Variants in ROR1 observed in about 807,000 individuals in gnomAD.
ROR1 encodes ROR family WNT receptor 1.
A neutral mutation model predicts 78.8 loss-of-function variants in ROR1; 19 were observed. The observed-to-expected ratio is 0.24, with a 90% CI of 0.17 to 0.35. The LOEUF (loss-of-function observed/expected upper bound fraction) is 0.35. Ranked by LOEUF, ROR1 falls within the 10% of genes least tolerant of loss-of-function variation. The pLI, the probability that ROR1 is intolerant of heterozygous loss-of-function variation, is 1.00. For missense variants in ROR1, 917 were observed against 1,177.8 expected (o/e 0.78, Z 3.24); for synonymous variants, 386 against 433.6 (o/e 0.89, Z 1.36).
chr1:63,774,989 G>T lies in ROR1; in HGVS notation c.91+481G>T, dbSNP rs964364462. Among the ~76,000 whole-genome samples, 1 of 152,026 alleles carries T rather than the reference G, an allele frequency of 6.6e-6. No individual in the cohort carries two copies. The highest frequency in any genetic ancestry group is 1.5e-5 in the Non-Finnish European group (1 of 67,992). Reference sequence around the variant, plus strand: ...CCAGAGCCCAGGCGGCTCGCGGATCGACGCAAACAAAAGCCCTGTCCTCCT... The same window carrying T: ...CCAGAGCCCAGGCGGCTCGCGGATCTACGCAAACAAAAGCCCTGTCCTCCT... On this transcript the variant is annotated intron_variant, in intron 1 of 8. Coordinates refer to ENST00000371079, the MANE Select transcript of ROR1 (RefSeq NM_005012.4). The surrounding 1 kb of genome is among the most constrained non-coding windows in gnomAD (Gnocchi z 5.7).
intron 1 of ROR1, among the ~76,000 whole-genome samples, chr1:63,883,218 TTTCA>T (rs1299181953): frequency 6.6e-6 from 1 of 151,996 alleles, no homozygotes; most frequent in East Asian, 1.9e-4. Context: ...CTGAGATTTT[TTTCA>T]TTCTAGAGGA....
intron 4 of ROR1, among the ~76,000 whole-genome samples, chr1:64,090,461 C>T (rs1048269302): frequency 3.3e-5 from 5 of 152,276 alleles, no homozygotes; most frequent in South Asian, 4.1e-4. Context: ...CTGCTTAGTA[C>T]GTAAGCACCT....
In ROR1 at chr1:63,795,996, T is replaced by C. The variant is rs141502262; in HGVS notation, c.91+21488T>C. Among the ~76,000 whole-genome samples the C allele has an allele frequency of 4.5e-3, 680 of 152,342 alleles. 8 individuals are homozygous for C. Among genetic ancestry groups the C allele is most frequent in the African/African-American group, 0.015 (641 of 41,568 alleles). ...CATTAAAACCCCCATCAGACTAATCTGTCGACACATAGTATTTTGAGTATC... is the reference window on the plus strand; with the variant it reads ...CATTAAAACCCCCATCAGACTAATCCGTCGACACATAGTATTTTGAGTATC... On this transcript the variant is annotated intron_variant, in intron 1 of 8. Transcript: ENST00000371079.
chr1:63,841,934 G>A (rs1645052086), intron 1 of ROR1, among the ~76,000 whole-genome samples: 1 of 152,050 alleles, frequency 6.6e-6, no homozygotes, highest in Non-Finnish European at 1.5e-5. Context: ...CTTCCACATG[G>A]ATGTCTCATA....
intron 8 of ROR1, among the ~76,000 whole-genome samples, chr1:64,171,048 C>T (rs1306537013): frequency 6.6e-6 from 1 of 152,216 alleles, no homozygotes; most frequent in South Asian, 2.1e-4. Context: ...ACTGTTCCAA[C>T]CTCTGCCTGT....
At chr1:63,993,352 G>T (rs187408054) in intron 1 of ROR1, among the ~76,000 whole-genome samples, 1 of 152,116 alleles carries the variant, frequency 6.6e-6, no homozygotes, top group African/African-American at 2.4e-5. Flanking sequence ...CTCCCATTTT[G>T]CACATGGTAT....
intron 1 of ROR1, among the ~76,000 whole-genome samples, chr1:63,907,859 G>A (rs1226857852): frequency 6.6e-6 from 1 of 152,034 alleles, no homozygotes; most frequent in Non-Finnish European, 1.5e-5. Flanking sequence ...TTAGGTCTTG[G>A]GCAGTTCTTT....
intron 1 of ROR1, among the ~76,000 whole-genome samples, chr1:63,940,664 G>C (rs1645831593): frequency 6.6e-6 from 1 of 152,168 alleles, no homozygotes; most frequent in African/African-American, 2.4e-5. Flanking sequence ...CCCTAGAATT[G>C]TTGGGCAAAA....
In ROR1 at chr1:63,887,041, C is replaced by T. The variant is rs568551318; in HGVS notation, c.91+112533C>T. On this transcript the variant is annotated intron_variant, in intron 1 of 8. Transcript: ENST00000371079. Reference sequence around the variant, plus strand: ...TTGTTCAAGGTGCAGGATTGACAGCCCAGGAGACCTTGTGTCTCCACCTGG... The same window carrying T: ...TTGTTCAAGGTGCAGGATTGACAGCTCAGGAGACCTTGTGTCTCCACCTGG... 1.8e-4 allele frequency among the ~76,000 whole-genome samples: 28 copies of T among 152,344 alleles called. No individual in the cohort carries two copies. In the South Asian group the frequency reaches 5.6e-3, roughly 30 times the overall value.
intron 1 of ROR1, among the ~76,000 whole-genome samples, chr1:63,827,794 A>G (rs1278438568): frequency 1.3e-5 from 2 of 152,204 alleles, no homozygotes; most frequent in African/African-American, 4.8e-5. Flanking sequence ...ACTGGTTTCC[A>G]ATTGCTTGTG....
intron 1 of ROR1, among the ~76,000 whole-genome samples, chr1:63,800,905 C>G (rs1269147728): frequency 6.6e-6 from 1 of 151,444 alleles, no homozygotes; most frequent in African/African-American, 2.4e-5. Flanking sequence ...TATTAATTAA[C>G]CTTTTTAATC....
chr1:63,942,760 C>G (rs1645851355), intron 1 of ROR1, among the ~76,000 whole-genome samples: 1 of 152,138 alleles, frequency 6.6e-6, no homozygotes, highest in Non-Finnish European at 1.5e-5. Flanking sequence ...TCCTACTCTT[C>G]CCCACCGCTG....
chr1:63,976,087 G>A (rs1269145299), intron 1 of ROR1, among the ~76,000 whole-genome samples: 1 of 152,186 alleles, frequency 6.6e-6, no homozygotes, highest in Non-Finnish European at 1.5e-5. Context: ...AGAGAGCCAA[G>A]ACATGCATTT....
intron 1 of ROR1, among the ~76,000 whole-genome samples, chr1:63,943,566 C>A (rs193167820): frequency 5.5e-4 from 84 of 152,310 alleles, no homozygotes; most frequent in Admixed American, 2.2e-3. Context: ...AAAAGCTCAT[C>A]TGGTAACTGC....
intron 1 of ROR1, among the ~76,000 whole-genome samples, chr1:63,876,283 T>C (rs1053936130): frequency 6.6e-6 from 1 of 152,220 alleles, no homozygotes; most frequent in African/African-American, 2.4e-5. Flanking sequence ...CACTGGTCTA[T>C]TGATTCATAA....
intron 3 of ROR1, 117 bp downstream of exon 3, chr1:64,050,095 C>G: frequency 8.5e-7 from 1 of 1,171,954 alleles, no homozygotes; most frequent in Admixed American, 2.3e-5. Context: ...TACTCTGTGC[C>G]CACAACCCTA....
chr1:63,961,363 A>G (rs1646026148), intron 1 of ROR1, among the ~76,000 whole-genome samples: 1 of 152,254 alleles, frequency 6.6e-6, no homozygotes, highest in Admixed American at 6.5e-5. Context: ...CAAAATCAGT[A>G]CATTAAAGAG....
chr1:64,120,089 C>T (rs1272005596), intron 4 of ROR1, among the ~76,000 whole-genome samples: 7 of 152,326 alleles, frequency 4.6e-5, no homozygotes, highest in East Asian at 1.9e-4. Flanking sequence ...TCTCCAAAGA[C>T]GCAATGTGCA....
chr1:64,115,920 C>T (rs1335118695), intron 4 of ROR1, among the ~76,000 whole-genome samples: 7 of 152,108 alleles, frequency 4.6e-5, no homozygotes, highest in Non-Finnish European at 1.0e-4. Flanking sequence ...TTAATACACA[C>T]CTGCCAATAA....
Sources: gnomAD v4.1 joint callset for allele counts (sites outside exome capture counted in the v4.1 genomes callset) on GRCh38, gnomAD v4.1.1 for gene constraint, Gnocchi (gnomAD v3.1) non-coding constraint, MANE v1.5 for transcripts, NCBI Gene and HGNC (gene_info 2026-07-23, HGNC 2026-07-21) for gene names.